The following GLG1 variants were observed in gnomAD, a reference collection of about 807,000 sequenced individuals.
The protein encoded by GLG1 is Golgi apparatus protein 1.
A neutral mutation model predicts 160.5 loss-of-function variants in GLG1; 38 were observed. The observed-to-expected ratio is 0.24, with a 90% CI of 0.18 to 0.31. GLG1 has a LOEUF of 0.31. Among genes scored for constraint, GLG1 ranks in the 10% least tolerant of loss-of-function variants. GLG1 has a pLI of 1.00. For missense variants in GLG1, 1,373 were observed against 1,505.2 expected (o/e 0.91, Z 1.45); for synonymous variants, 644 against 543.4 (o/e 1.19, Z -2.57).
chr16:74,545,513 G>T (rs1405329822), intron 1 of GLG1, among the ~76,000 whole-genome samples: 1 of 152,192 alleles, frequency 6.6e-6, no homozygotes, highest in Non-Finnish European at 1.5e-5. Context: ...GCCCAGAAAA[G>T]TATGTGTGGA....
intron 2 of GLG1, among the ~76,000 whole-genome samples, chr16:74,517,851 G>T (rs1009035420): frequency 6.6e-6 from 1 of 152,136 alleles, no homozygotes; most frequent in East Asian, 1.9e-4. Flanking sequence ...CTTCAGCAAA[G>T]TCTCAGGATA....
chr16:74,479,075 A>AAAAAAAAAAAAAAAAAAAAAAAAAAC (rs2015503009), intron 11 of GLG1, among the ~76,000 whole-genome samples: 1 of 117,872 alleles, frequency 8.5e-6, no homozygotes, highest in Non-Finnish European at 1.8e-5. Context: ...AAAAAAAAAA[A>AAAAAAAAAAAAAAAAAAAAAAAAAAC]AAAGCCAGGC....
At chr16:74,533,776 A>G (rs1475233185) in intron 1 of GLG1, among the ~76,000 whole-genome samples, 88 of 152,274 alleles carry the variant, frequency 5.8e-4, no homozygotes, top group African/African-American at 1.8e-3. Context: ...GCGAGATTCC[A>G]TCTCAAAAAA....
chr16:74,472,400 T>C lies in GLG1; in HGVS notation c.2064A>G (p.Ile688Met). The stretch of plus-strand genomic sequence containing the variant: ...CACAGGCTCTCATCAGCAAGGCTTC[T>C]ATTTGAATATCCTGTAGAAAATTAA... ...LTELESEDIQ[I>M]EALLMRACEP... The change falls in exon 14 of 26, where the codon ATA (isoleucine) becomes ATG (methionine). Residue 688 changes from isoleucine to methionine, a missense_variant. Around this residue, in one of 4 missense-constraint regions of GLG1, gnomAD observed 491 missense variants for 632.1 expected, o/e 0.78. Coordinates refer to ENST00000422840, the MANE Select transcript of GLG1 (RefSeq NM_001145667.2). 6.2e-7 allele frequency: 1 copy of C among 1,607,370 alleles called. No individual in the cohort carries two copies. Among genetic ancestry groups the C allele is most frequent in the South Asian group, 1.1e-5 (1 of 90,850 alleles).
At chr16:74,482,438 C>T (rs527377354) in intron 10 of GLG1, among the ~76,000 whole-genome samples, 15 of 152,178 alleles carry the variant, frequency 9.9e-5, no homozygotes, top group Admixed American at 6.5e-4. Context: ...AAGCAAGATG[C>T]GGAAAGAGGA....
intron 1 of GLG1, 110 bp downstream of exon 1, chr16:74,606,547 C>A (rs1958570778): frequency 5.5e-6 from 5 of 907,116 alleles, no homozygotes; most frequent in Admixed American, 2.4e-5. Context: ...GCGAGTGCAG[C>A]ACAGAGGAAG....
At chr16:74,458,718 T>A (rs1218191857) in intron 23 of GLG1, among the ~76,000 whole-genome samples, 1 of 152,176 alleles carries the variant, frequency 6.6e-6, no homozygotes, top group Non-Finnish European at 1.5e-5. Context: ...TAAAGGCACA[T>A]TTGTTTACAA....
rs1209812668 is a variant in GLG1, at chr16:74,449,449, C to G, written c.*3718G>C. On this transcript the variant is annotated 3_prime_UTR_variant, in exon 26 of 26. Transcript: ENST00000422840. Reference sequence around the variant, plus strand: ...CCACATAATTCCCTTTCCAGTGTGCCTTGATAAAACGTAAAACATGAATGA... The same window carrying G: ...CCACATAATTCCCTTTCCAGTGTGCGTTGATAAAACGTAAAACATGAATGA... The G allele has an allele frequency of 6.6e-6, 1 of 152,120 alleles. No individual in the cohort carries two copies. The highest frequency in any genetic ancestry group is 1.5e-5 in the Non-Finnish European group (1 of 68,032). 9.4% of individuals were successfully genotyped at this position (152,120 alleles called of 1,614,324 possible).
At chr16:74,479,315 C>G (rs532787213) in intron 11 of GLG1, among the ~76,000 whole-genome samples, 1 of 149,674 alleles carries the variant, frequency 6.7e-6, no homozygotes, top group Admixed American at 6.7e-5. Context: ...AAAAGAAAAC[C>G]AGCACCACAG....
chr16:74,597,511 GA>G (rs886526628), intron 1 of GLG1, among the ~76,000 whole-genome samples: 1 of 151,524 alleles, frequency 6.6e-6, no homozygotes, highest in Admixed American at 6.6e-5. Flanking sequence ...CTGAGGTCAG[GA>G]GTTCAAGACC....
chr16:74,500,136 T>C (rs62052135), intron 4 of GLG1, among the ~76,000 whole-genome samples: 25,737 of 152,146 alleles, frequency 0.17, 2,645 homozygotes, highest in East Asian at 0.41. Flanking sequence ...TTTTAGTGCA[T>C]TGGAGTTTAT....
rs1256981186 is a variant in GLG1 at position 74,452,344 on chromosome 16, C to A, written c.*823G>T. On this transcript the variant is annotated 3_prime_UTR_variant, in exon 26 of 26. Coordinates refer to ENST00000422840, the MANE Select transcript of GLG1 (RefSeq NM_001145667.2). Reference sequence around the variant, plus strand: ...GGAAGGTTCCTGGGATCCTGCTGCCCCGGGACTCAGGATCCAGCCTCTCAG... The same window carrying A: ...GGAAGGTTCCTGGGATCCTGCTGCCACGGGACTCAGGATCCAGCCTCTCAG... The A allele has an allele frequency of 2.4e-5, 33 of 1,378,888 alleles. No individual in the cohort carries two copies. The highest frequency in any genetic ancestry group is 5.5e-4 in the Middle Eastern group (2 of 3,632). The allele number at this position is 1,378,888 out of a possible 1,614,324, so 85.4% of individuals were successfully genotyped here.
chr16:74,559,727 T>G (rs1195132812), intron 1 of GLG1, among the ~76,000 whole-genome samples: 1 of 152,232 alleles, frequency 6.6e-6, no homozygotes, highest in Admixed American at 6.5e-5. Context: ...GTATCATGTC[T>G]CTATTGATGA....
At chr16:74,482,140 C>A (rs2015623681) in intron 10 of GLG1, among the ~76,000 whole-genome samples, 1 of 152,074 alleles carries the variant, frequency 6.6e-6, no homozygotes. Context: ...CAGGTGCACA[C>A]TACCATACCT....
chr16:74,546,399 C>T (rs1394156288), intron 1 of GLG1, among the ~76,000 whole-genome samples: 2 of 151,976 alleles, frequency 1.3e-5, no homozygotes, highest in African/African-American at 2.4e-5. Flanking sequence ...AAGCAGAGAT[C>T]GCACCACAGC....
chr16:74,595,652 T>C (rs1162109086), intron 1 of GLG1, among the ~76,000 whole-genome samples: 2 of 152,218 alleles, frequency 1.3e-5, no homozygotes, highest in Non-Finnish European at 2.9e-5. Flanking sequence ...TTAAAACTTG[T>C]ATTATGGTTT....
chr16:74,475,186 T>C (rs1438378493), intron 12 of GLG1, among the ~76,000 whole-genome samples: 1 of 143,822 alleles, frequency 7.0e-6, no homozygotes, highest in Non-Finnish European at 1.5e-5. Flanking sequence ...AAAAAAGAGC[T>C]GTGCAAATCC....
chr16:74,549,777 C>A (rs1408010704), intron 1 of GLG1, among the ~76,000 whole-genome samples: 1 of 151,502 alleles, frequency 6.6e-6, no homozygotes, highest in African/African-American at 2.4e-5. Context: ...TGGATGAAGT[C>A]CACAATGAAC....
chr16:74,574,883 CAAAA>C (rs531720341), intron 1 of GLG1, among the ~76,000 whole-genome samples: 20 of 24,786 alleles, frequency 8.1e-4, no homozygotes, highest in East Asian at 7.1e-3. Flanking sequence ...GACTCTGTCT[CAAAA>C]AAAAAAAAAA....
Sources: gnomAD v4.1 joint callset for allele counts (sites outside exome capture counted in the v4.1 genomes callset) on GRCh38, gnomAD v4.1.1 for gene constraint, gnomAD v4.1.1 regional missense constraint, MANE v1.5 for transcripts, NCBI Gene and HGNC (gene_info 2026-07-23, HGNC 2026-07-21) for gene names.